Variants in TTC29 observed in about 807,000 individuals in gnomAD.
TTC29 encodes the protein tetratricopeptide repeat protein 29.
TTC29 carries 49 observed loss-of-function variants against 58.1 expected under a neutral mutation model. The observed-to-expected ratio is 0.84, with a 90% CI of 0.67 to 1.07. The LOEUF is 1.07. TTC29 is among the 50% of genes least tolerant of loss of function. The pLI is 0.00. For synonymous variants in TTC29, 209 were observed against 196.8 expected (o/e 1.06, Z -0.52); for missense variants, 582 against 555.6 (o/e 1.05, Z -0.48).
intron 11 of TTC29, among the ~76,000 whole-genome samples, chr4:146,730,724 G>A (rs2150020465): frequency 6.6e-6 from 1 of 152,246 alleles, no homozygotes; most frequent in East Asian, 1.9e-4. Flanking sequence ...ATAAGATGAA[G>A]AGGACTGAGA....
At chr4:146,893,401 G>A (rs528748823) in intron 6 of TTC29, among the ~76,000 whole-genome samples, 22 of 152,258 alleles carry the variant, frequency 1.4e-4, no homozygotes, top group African/African-American at 5.1e-4. Flanking sequence ...TCTGATCTTT[G>A]ACAAACCTGA....
At chr4:146,780,906 C>A (rs1355166256) in intron 11 of TTC29, among the ~76,000 whole-genome samples, 1 of 151,942 alleles carries the variant, frequency 6.6e-6, no homozygotes, top group African/African-American at 2.4e-5. Flanking sequence ...AACTTGTGGA[C>A]CTGCATGAGT....
intron 11 of TTC29, among the ~76,000 whole-genome samples, chr4:146,792,334 TC>T (rs753677182): frequency 6.6e-6 from 1 of 152,186 alleles, no homozygotes; most frequent in African/African-American, 2.4e-5. Flanking sequence ...TTATGCTAAA[TC>T]TACCACACCT....
At chr4:146,791,295 G>A (rs1430925031) in intron 11 of TTC29, among the ~76,000 whole-genome samples, 1 of 152,088 alleles carries the variant, frequency 6.6e-6, no homozygotes, top group Non-Finnish European at 1.5e-5. Context: ...TTTTCCAATA[G>A]CATGTACTCA....
chr4:146,835,524 A>C (rs1728451166), intron 8 of TTC29, among the ~76,000 whole-genome samples: 2 of 152,174 alleles, frequency 1.3e-5, no homozygotes, highest in Non-Finnish European at 2.9e-5. Context: ...TTTCTGCCAA[A>C]ATAGTTCATT....
chr4:146,942,811 G>T, intron 2 of TTC29: 1 of 494,846 alleles, frequency 2.0e-6, no homozygotes, highest in Non-Finnish European at 3.6e-6. Context: ...TATGCAGTGG[G>T]CACTGGGGCC....
chr4:146,861,676 G>A (rs1404394414), intron 8 of TTC29, among the ~76,000 whole-genome samples: 1 of 152,026 alleles, frequency 6.6e-6, no homozygotes, highest in African/African-American at 2.4e-5. Flanking sequence ...ATAAATTAAA[G>A]CCTTTCCATT....
intron 8 of TTC29, among the ~76,000 whole-genome samples, chr4:146,855,994 A>G (rs1424946117): frequency 6.6e-6 from 1 of 152,148 alleles, no homozygotes; most frequent in African/African-American, 2.4e-5. Context: ...GTCTGTCACA[A>G]AATTAGTCTT....
intron 11 of TTC29, among the ~76,000 whole-genome samples, chr4:146,787,897 C>CTTT (rs11427951): frequency 2.7e-5 from 4 of 148,994 alleles, no homozygotes; most frequent in Admixed American, 6.7e-5. Flanking sequence ...AATCTGCCCC[C>CTTT]TTTTTTTTTT....
chr4:146,802,806 A>G (rs1335876579), intron 11 of TTC29, among the ~76,000 whole-genome samples: 1 of 152,196 alleles, frequency 6.6e-6, no homozygotes, highest in Non-Finnish European at 1.5e-5. Flanking sequence ...TTTTTATTTT[A>G]TATTGTTTTG....
rs1561118086 is a variant in TTC29, at chr4:146,780,305, GTGTGT to G, written c.1330+23147_1330+23151del. On this transcript the variant is annotated intron_variant, in intron 11 of 12. Coordinates refer to ENST00000325106, the MANE Select transcript of TTC29 (RefSeq NM_031956.4). ...TGAATGAGTCTTCCTAACTTGGGGT[GTGTGT>G]GTGTGTGTGTGTGTGTGTGTGTGTG... Among the ~76,000 whole-genome samples, 227 of 43,320 alleles carry G rather than the reference GTGTGT, an allele frequency of 5.2e-3. 4 individuals are homozygous for G. The East Asian group carries it at 0.12, about 23-fold the overall frequency. The allele number at this position is 43,320 out of a possible 152,430, so 28.4% of individuals were successfully genotyped here. A position where few individuals can be genotyped will look rare whatever the true frequency, so the allele number is the denominator to read the frequency against.
At chr4:146,736,754 T>C (rs1433679786) in intron 11 of TTC29, among the ~76,000 whole-genome samples, 2 of 152,212 alleles carry the variant, frequency 1.3e-5, no homozygotes, top group Non-Finnish European at 2.9e-5. Context: ...TCTTCAGTGA[T>C]GTCTGAGCAA....
intron 8 of TTC29, among the ~76,000 whole-genome samples, chr4:146,852,503 C>T (rs752464316): frequency 6.6e-5 from 10 of 152,172 alleles, no homozygotes; most frequent in Non-Finnish European, 1.5e-4. Flanking sequence ...GCCCCAGTAG[C>T]CCTACTCAGA....
intron 8 of TTC29, among the ~76,000 whole-genome samples, chr4:146,836,334 G>T (rs1728507313): frequency 6.6e-6 from 1 of 152,104 alleles, no homozygotes; most frequent in Admixed American, 6.6e-5. Flanking sequence ...ATAGGCAGTA[G>T]GACGAGTATA....
chr4:146,867,847 T>C (rs67326405), intron 7 of TTC29, among the ~76,000 whole-genome samples: 8,166 of 152,148 alleles, frequency 0.054, 341 homozygotes, highest in East Asian at 0.13. Context: ...GGCAAATATA[T>C]AACTTGCTTA....
chr4:146,905,532 T>A (rs1733466713), intron 5 of TTC29, among the ~76,000 whole-genome samples: 1 of 151,906 alleles, frequency 6.6e-6, no homozygotes, highest in Admixed American at 6.6e-5. Flanking sequence ...TTTTCTAGAA[T>A]ATTAAATATA....
intron 11 of TTC29, among the ~76,000 whole-genome samples, chr4:146,729,683 T>C (rs1185604775): frequency 1.3e-5 from 2 of 152,098 alleles, no homozygotes; most frequent in East Asian, 3.8e-4. Flanking sequence ...TAACTGACAG[T>C]TCTACAGGGT....
intron 11 of TTC29, among the ~76,000 whole-genome samples, chr4:146,769,047 T>C (rs991372309): frequency 6.6e-6 from 1 of 152,026 alleles, no homozygotes; most frequent in Admixed American, 6.6e-5. Flanking sequence ...TCTTATTCAA[T>C]AAACAGAAAT....
intron 11 of TTC29, among the ~76,000 whole-genome samples, chr4:146,722,875 T>G (rs892136678): frequency 2.6e-5 from 4 of 152,206 alleles, no homozygotes; most frequent in South Asian, 4.2e-4. Flanking sequence ...TTTTTGTATT[T>G]TTAGTAGAGA....
Sources: allele counts gnomAD v4.1 joint callset (sites outside exome capture counted in the v4.1 genomes callset), GRCh38; gene constraint gnomAD v4.1.1; transcripts MANE v1.5; gene names NCBI Gene and HGNC (gene_info 2026-07-23, HGNC 2026-07-21).